The following MRPL48 variants were observed in gnomAD, a reference collection of about 807,000 sequenced individuals.
The protein encoded by MRPL48 is large ribosomal subunit protein mL48.
MRPL48 carries 16 observed loss-of-function variants against 32.9 expected under a neutral mutation model. The ratio of observed to expected loss-of-function variants is 0.49; its 90% CI spans 0.33 to 0.74. The LOEUF (loss-of-function observed/expected upper bound fraction) is 0.74, where lower values mean the gene tolerates loss of function less well. MRPL48 is among the 30% of genes least tolerant of loss of function. The pLI, the probability that MRPL48 is intolerant of heterozygous loss-of-function variation, is 0.02. For synonymous variants in MRPL48, 94 were observed against 89.2 expected (o/e 1.05, Z -0.31); for missense variants, 206 against 245.3 (o/e 0.84, Z 1.07).
intron 2 of MRPL48, 55 bp downstream of exon 2, chr11:73,805,134 T>C: frequency 1.4e-6 from 2 of 1,414,784 alleles, no homozygotes; most frequent in Non-Finnish European, 1.9e-6. Flanking sequence ...TTTGGCTTCA[T>C]AGTTCACACA....
chr11:73,850,718 C>G (rs7116620), intron 5 of MRPL48: 21,188 of 210,586 alleles, frequency 0.1, 1,693 homozygotes, highest in African/African-American at 0.23. Flanking sequence ...GCTCTGTCGC[C>G]CAGGCTGGAA....
chr11:73,814,380 A>C (rs1418511003), intron 3 of MRPL48, among the ~76,000 whole-genome samples: 1 of 151,364 alleles, frequency 6.6e-6, no homozygotes, highest in Non-Finnish European at 1.5e-5. Flanking sequence ...AGACAGCACG[A>C]GATCATGTCT....
At chr11:73,803,126 G>A (rs1947387172) in intron 1 of MRPL48, among the ~76,000 whole-genome samples, 1 of 151,908 alleles carries the variant, frequency 6.6e-6, no homozygotes. Flanking sequence ...ACATTAGTGT[G>A]ATTTATTTAT....
chr11:73,813,143 A>G (rs1361578811), intron 3 of MRPL48, among the ~76,000 whole-genome samples: 1 of 151,532 alleles, frequency 6.6e-6, no homozygotes, highest in African/African-American at 2.4e-5. Context: ...GTTATTTGCC[A>G]TTTGTATTTG....
intron 5 of MRPL48, among the ~76,000 whole-genome samples, chr11:73,858,996 C>T (rs967512372): frequency 6.6e-6 from 1 of 152,200 alleles, no homozygotes; most frequent in Non-Finnish European, 1.5e-5. Flanking sequence ...GGAGAAGTTG[C>T]CCCTCAGGGG....
intron 1 of MRPL48, among the ~76,000 whole-genome samples, chr11:73,794,556 T>TG (rs986298125): frequency 7.5e-6 from 1 of 132,780 alleles, no homozygotes; most frequent in Non-Finnish European, 1.6e-5. Context: ...ACTCCATCTC[T>TG]GGAAAAAAAA....
chr11:73,790,601 G>C (rs1409141391), intron 1 of MRPL48, among the ~76,000 whole-genome samples: 3 of 151,558 alleles, frequency 2.0e-5, no homozygotes, highest in Non-Finnish European at 2.9e-5. Flanking sequence ...AGCTAGGATG[G>C]TCTCGATCTC....
intron 3 of MRPL48, among the ~76,000 whole-genome samples, chr11:73,820,646 C>T (rs1259063625): frequency 1.3e-5 from 2 of 152,118 alleles, no homozygotes; most frequent in East Asian, 3.8e-4. Flanking sequence ...GCTGTTTCCT[C>T]TACCTGGAAC....
chr11:73,814,019 C>T (rs1321813551), intron 3 of MRPL48, among the ~76,000 whole-genome samples: 6 of 144,022 alleles, frequency 4.2e-5, no homozygotes, highest in African/African-American at 7.7e-5. Flanking sequence ...CCAGCCTGAG[C>T]GACAGAGTGA....
intron 7 of MRPL48, among the ~76,000 whole-genome samples, chr11:73,864,070 T>A (rs1948628491): frequency 6.6e-6 from 1 of 152,196 alleles, no homozygotes. Flanking sequence ...TATATCTGTC[T>A]TTTCTAACCA....
At chr11:73,792,375 C>A (rs900472567) in intron 1 of MRPL48, among the ~76,000 whole-genome samples, 2 of 152,174 alleles carry the variant, frequency 1.3e-5, no homozygotes, top group Non-Finnish European at 2.9e-5. Flanking sequence ...GAATACCTTA[C>A]CCCTGAACCA....
At chr11:73,803,937 TG>T (rs1398786765) in intron 1 of MRPL48, among the ~76,000 whole-genome samples, 1 of 152,154 alleles carries the variant, frequency 6.6e-6, no homozygotes, top group Non-Finnish European at 1.5e-5. Context: ...AATTTTTTTT[TG>T]AGACAGAGTC....
chr11:73,815,124 C>G (rs1000466728), intron 3 of MRPL48, among the ~76,000 whole-genome samples: 1 of 152,042 alleles, frequency 6.6e-6, no homozygotes, highest in Non-Finnish European at 1.5e-5. Flanking sequence ...ATTAAAATAT[C>G]CATGTTTTTG....
chr11:73,835,690 G>C (rs542083024), intron 4 of MRPL48, among the ~76,000 whole-genome samples: 1 of 152,194 alleles, frequency 6.6e-6, no homozygotes, highest in South Asian at 2.1e-4. Context: ...CCTGAGTTCA[G>C]GAGTTTGAGA....
chr11:73,796,260 T>C (rs1203551578), intron 1 of MRPL48, among the ~76,000 whole-genome samples: 1 of 152,216 alleles, frequency 6.6e-6, no homozygotes, highest in Non-Finnish European at 1.5e-5. Flanking sequence ...ATCTGTGTAC[T>C]CTTGTGGGGC....
chr11:73,820,270 G>A (rs1386915556), intron 3 of MRPL48, among the ~76,000 whole-genome samples: 8 of 152,106 alleles, frequency 5.3e-5, no homozygotes, highest in African/African-American at 1.9e-4. Context: ...TGTTGCCCAG[G>A]CTGAAGTGCA....
At chr11:73,819,348 G>A (rs1335028371) in intron 3 of MRPL48, among the ~76,000 whole-genome samples, 1 of 152,192 alleles carries the variant, frequency 6.6e-6, no homozygotes, top group Non-Finnish European at 1.5e-5. Flanking sequence ...TGTTATCATC[G>A]CAAAGATCCT....
chr11:73,787,920 T>G lies in MRPL48; in HGVS notation c.-52T>G. On this transcript the variant is annotated 5_prime_UTR_variant, in exon 1 of 8. Transcript: ENST00000310614. ...TTTTCAGACGCCCTGGGAACGCGGC[T>G]GCAGGGTCCGGTCTTCGGTTTGCAC... 6.2e-7 allele frequency: 1 copy of G among 1,602,332 alleles called. No individual in the cohort carries two copies. The highest frequency in any genetic ancestry group is 1.1e-5 in the South Asian group (1 of 89,816).
chr11:73,800,550 G>A (rs1165192419), intron 1 of MRPL48, among the ~76,000 whole-genome samples: 1 of 152,066 alleles, frequency 6.6e-6, no homozygotes, highest in African/African-American at 2.4e-5. Flanking sequence ...TTGTTACCCA[G>A]TGCAGCATCT....
Sources: allele counts gnomAD v4.1 joint callset (sites outside exome capture counted in the v4.1 genomes callset), GRCh38; gene constraint gnomAD v4.1.1; transcripts MANE v1.5; gene names NCBI Gene and HGNC (gene_info 2026-07-23, HGNC 2026-07-21).